The following GPHN variants were observed in gnomAD, a reference collection of about 807,000 sequenced individuals.
The protein encoded by GPHN is gephyrin.
In GPHN, 17 loss-of-function variants were observed where a neutral mutation model predicts 95.5. That is an observed-to-expected ratio of 0.18 (90% CI 0.12 to 0.27). GPHN has a LOEUF of 0.27. GPHN is among the 10% of genes least tolerant of loss of function. GPHN has a pLI of 1.00. For missense variants in GPHN, 660 were observed against 978.1 expected (o/e 0.67, Z 4.34); for synonymous variants, 320 against 322.5 (o/e 0.99, Z 0.08).
At chr14:66,811,100 A>G (rs1566969746) in intron 3 of GPHN, among the ~76,000 whole-genome samples, 1 of 152,220 alleles carries the variant, frequency 6.6e-6, no homozygotes. Flanking sequence ...TGCAAATTAA[A>G]ACATCCATGT....
chr14:66,639,076 C>T (rs542821052), intron 1 of GPHN, among the ~76,000 whole-genome samples: 1 of 150,246 alleles, frequency 6.7e-6, no homozygotes, highest in South Asian at 2.1e-4. Flanking sequence ...ATTTCGTGCT[C>T]AGATTCATTA....
chr14:67,455,242 G>A, the GPHN span, among the ~76,000 whole-genome samples: 1 of 152,178 alleles, frequency 6.6e-6, no homozygotes, highest in African/African-American at 2.4e-5. Context: ...TAGCCCTGCG[G>A]CCCACCCTCG....
intron 11 of GPHN, among the ~76,000 whole-genome samples, chr14:67,065,959 G>A (rs1369345119): frequency 1.3e-5 from 2 of 152,128 alleles, no homozygotes; most frequent in Non-Finnish European, 2.9e-5. Flanking sequence ...ATTGTTAGGT[G>A]TAGATTTGAT....
At chr14:67,078,922 T>A (rs1416794989) in intron 11 of GPHN, among the ~76,000 whole-genome samples, 2 of 152,060 alleles carry the variant, frequency 1.3e-5, no homozygotes, top group African/African-American at 4.8e-5. Context: ...CTTTTCTCTT[T>A]GAGGAGACTT....
At chr14:67,192,399 C>A in the GPHN span, among the ~76,000 whole-genome samples, 1 of 151,940 alleles carries the variant, frequency 6.6e-6, no homozygotes, top group East Asian at 1.9e-4. Flanking sequence ...CTACCTAACA[C>A]CTTGAACAAT....
the GPHN span, among the ~76,000 whole-genome samples, chr14:67,568,878 T>G: frequency 6.6e-6 from 1 of 152,146 alleles, no homozygotes; most frequent in Non-Finnish European, 1.5e-5. Flanking sequence ...TGGGCACTGA[T>G]TATATTCCAG....
At chr14:66,522,690 A>G (rs1010573921) in intron 1 of GPHN, among the ~76,000 whole-genome samples, 2 of 152,054 alleles carry the variant, frequency 1.3e-5, no homozygotes, top group Non-Finnish European at 2.9e-5. Context: ...CTGTAAAAAT[A>G]ATGGTTTTTC....
the GPHN span, among the ~76,000 whole-genome samples, chr14:67,353,421 G>T: frequency 6.6e-6 from 1 of 152,160 alleles, no homozygotes; most frequent in Non-Finnish European, 1.5e-5. Context: ...GTAAGTGGGA[G>T]GATCCCTTGA....
the GPHN span, among the ~76,000 whole-genome samples, chr14:67,557,093 C>G: frequency 1.3e-5 from 2 of 152,184 alleles, no homozygotes; most frequent in Non-Finnish European, 2.9e-5. Flanking sequence ...TTTGTCAGTC[C>G]TTCTTTTGCT....
chr14:66,591,285 A>G (rs538331714), intron 1 of GPHN, among the ~76,000 whole-genome samples: 6 of 152,330 alleles, frequency 3.9e-5, no homozygotes, highest in African/African-American at 1.2e-4. Context: ...TATTCAACAT[A>G]GTATTGGAAG....
rs1397130368 is a variant in GPHN, at chr14:66,957,037, C to T, written c.829-8154C>T. 6.7e-5 allele frequency among the ~76,000 whole-genome samples: 10 copies of T among 149,924 alleles called. No homozygotes were observed. The East Asian group carries it at 7.9e-4, about 12-fold the overall frequency. Reference sequence around the variant, plus strand: ...CTAGATGACGAGATAGAGGGTGCAGCGCACCAGCATGGCACATGTATACAT... The same window carrying T: ...CTAGATGACGAGATAGAGGGTGCAGTGCACCAGCATGGCACATGTATACAT... On this transcript the variant is annotated intron_variant, in intron 8 of 22. Coordinates refer to ENST00000478722, the MANE Select transcript of GPHN (RefSeq NM_020806.5).
chr14:66,535,787 T>C (rs2059122643), intron 1 of GPHN, among the ~76,000 whole-genome samples: 1 of 152,180 alleles, frequency 6.6e-6, no homozygotes, highest in South Asian at 2.1e-4. Flanking sequence ...ATTACAGTTG[T>C]ATTTTTATCT....
the GPHN span, chr14:67,336,070 T>G: frequency 6.6e-6 from 1 of 152,308 alleles, no homozygotes. Flanking sequence ...GGCTGTGAAC[T>G]TGAAAGTTTT....
At chr14:66,595,747 G>A (rs2061946424) in intron 1 of GPHN, among the ~76,000 whole-genome samples, 1 of 151,946 alleles carries the variant, frequency 6.6e-6, no homozygotes, top group African/African-American at 2.4e-5. Flanking sequence ...CTGGCTTGGG[G>A]AGCTCTTAAG....
chr14:67,246,910 A>G, the GPHN span, among the ~76,000 whole-genome samples: 1 of 152,184 alleles, frequency 6.6e-6, no homozygotes, highest in Non-Finnish European at 1.5e-5. Flanking sequence ...CCGGCTTCCC[A>G]AAGTGCTGGG....
the GPHN span, among the ~76,000 whole-genome samples, chr14:67,564,137 G>A: frequency 3.3e-5 from 5 of 151,812 alleles, no homozygotes; most frequent in South Asian, 6.3e-4. Flanking sequence ...TCCTGACCTC[G>A]TGATCCGCCC....
chr14:66,662,028 C>T (rs76380963), intron 1 of GPHN, among the ~76,000 whole-genome samples: 5 of 152,212 alleles, frequency 3.3e-5, no homozygotes, highest in Non-Finnish European at 5.9e-5. Flanking sequence ...CTTCCTGGGA[C>T]AGAGCTCCTA....
At chr14:66,665,700 C>G (rs942332744) in intron 1 of GPHN, among the ~76,000 whole-genome samples, 2 of 152,170 alleles carry the variant, frequency 1.3e-5, no homozygotes, top group African/African-American at 4.8e-5. Flanking sequence ...GGCGATTCCT[C>G]AGGGATCTAG....
chr14:66,652,650 C>A (rs2065101704), intron 1 of GPHN, among the ~76,000 whole-genome samples: 2 of 152,068 alleles, frequency 1.3e-5, no homozygotes, highest in Middle Eastern at 3.4e-3. Flanking sequence ...GCTATTGAAT[C>A]CTTTATAGTG....
Sources: gnomAD v4.1 joint callset for allele counts (sites outside exome capture counted in the v4.1 genomes callset) on GRCh38, gnomAD v4.1.1 for gene constraint, MANE v1.5 for transcripts, NCBI Gene and HGNC (gene_info 2026-07-23, HGNC 2026-07-21) for gene names.